PRKCZ: variants seen among roughly 807,000 people sequenced by gnomAD.
The protein encoded by PRKCZ is protein kinase C zeta type.
Under a neutral mutation model 79.5 loss-of-function variants are expected in PRKCZ, and 33 were observed. The ratio of observed to expected loss-of-function variants is 0.41; its 90% CI spans 0.31 to 0.55. PRKCZ has a LOEUF of 0.55. PRKCZ is among the 20% of genes least tolerant of loss of function. PRKCZ has a pLI of 0.19. For synonymous variants in PRKCZ, 342 were observed against 320.9 expected, an observed-to-expected ratio of 1.07 and a Z score of -0.70; for missense variants, 578 against 813.5, an observed-to-expected ratio of 0.71 and a Z score of 3.52.
chr1:2,066,965 G>A (rs956495876), intron 4 of PRKCZ, among the ~76,000 whole-genome samples: 1 of 152,120 alleles, frequency 6.6e-6, no homozygotes, highest in Non-Finnish European at 1.5e-5. Flanking sequence ...ATGTTGATAT[G>A]TTGTGTTTCT....
Position 2,125,279 on chromosome 1 carries a change from G to A in PRKCZ, c.335-9983G>A, listed in dbSNP as rs540165598. ...TGGAAGTTGGCGTACATCTTTCCACGGAAACTATGAAAATACTGGTCAGCC... is the reference window on the plus strand; with the variant it reads ...TGGAAGTTGGCGTACATCTTTCCACAGAAACTATGAAAATACTGGTCAGCC... On this transcript the variant is annotated intron_variant, in intron 4 of 17. Coordinates refer to ENST00000378567, the MANE Select transcript of PRKCZ (RefSeq NM_002744.6). The surrounding 1 kb of genome is among the most constrained non-coding windows in gnomAD (Gnocchi z 4.2). Among the ~76,000 whole-genome samples the A allele has an allele frequency of 2.0e-5, 3 of 152,194 alleles. No individual in the cohort carries two copies. Among genetic ancestry groups the A allele is most frequent in the African/African-American group, 2.4e-5 (1 of 41,446 alleles).
intron 4 of PRKCZ, among the ~76,000 whole-genome samples, chr1:2,112,690 G>A (rs1270891971): frequency 1.2e-4 from 3 of 25,234 alleles, no homozygotes; most frequent in African/African-American, 7.8e-4. Flanking sequence ...TTGGTTGGTT[G>A]GTTTTTTTTT....
intron 4 of PRKCZ, chr1:2,104,857 G>A: frequency 3.0e-6 from 3 of 985,604 alleles, no homozygotes; most frequent in Non-Finnish European, 3.6e-6. Flanking sequence ...GGACTGGTGA[G>A]TGTGTGCTGT....
chr1:2,135,051 C>T (rs938656300), intron 4 of PRKCZ: 2 of 478,036 alleles, frequency 4.2e-6, no homozygotes, highest in Admixed American at 3.7e-5. Context: ...GGGCCTCTGT[C>T]TCCAGCCGCC....
chr1:2,143,188 C>T (rs1677759449), intron 5 of PRKCZ: 1 of 152,198 alleles, frequency 6.6e-6, no homozygotes, highest in Non-Finnish European at 1.5e-5. Context: ...GCCACCACAC[C>T]TGGCTAATTT....
Position 2,185,361 on chromosome 1 carries a change from C to T in PRKCZ, c.*352C>T, listed in dbSNP as rs1381247395. The stretch of plus-strand genomic sequence containing the variant: ...CTCCGCCAGGAAAGTGAGCGTGTAG[C>T]GTCCTGAGGAATAAAATGTTCCGAT... On this transcript the variant is annotated 3_prime_UTR_variant, in exon 18 of 18. Transcript: ENST00000378567. 1.4e-6 allele frequency: 1 copy of T among 718,598 alleles called. No homozygotes were observed. The allele number at this position is 718,598 out of a possible 1,614,324, so 44.5% of individuals were successfully genotyped here.
chr1:2,124,371 C>T (rs79152219), intron 4 of PRKCZ, among the ~76,000 whole-genome samples: 28 of 2,488 alleles, frequency 0.011, 5 homozygotes, highest in Admixed American at 0.032. Context: ...AGGGTCACGG[C>T]GGCGGTTAGG....
At chr1:2,113,328 G>A (rs1670122142) in intron 4 of PRKCZ, among the ~76,000 whole-genome samples, 1 of 152,172 alleles carries the variant, frequency 6.6e-6, no homozygotes. Context: ...CTCTTCGGTG[G>A]GCTGCCTGTG....
At chr1:2,152,848 T>C (rs887008660) in intron 9 of PRKCZ, among the ~76,000 whole-genome samples, 3 of 152,256 alleles carry the variant, frequency 2.0e-5, no homozygotes, top group Admixed American at 6.5e-5. Context: ...CCGGGTAATG[T>C]TCCGTTGTCC....
In PRKCZ at chr1:2,177,800, C is replaced by G. The variant is rs1191819046; in HGVS notation, c.1575+2487C>G. On this transcript the variant is annotated intron_variant, in intron 16 of 17. Coordinates refer to ENST00000378567, the MANE Select transcript of PRKCZ (RefSeq NM_002744.6). The surrounding 1 kb of genome is among the most constrained non-coding windows in gnomAD (Gnocchi z 6.4). ...CTGCCCACAGGGGCGGCTTCCATCA[C>G]CCTGCTTCTTCCTGGCTGCTGCGGG... Among the ~76,000 whole-genome samples the G allele has an allele frequency of 6.6e-6, 1 of 152,198 alleles. No individual in the cohort carries two copies. Among genetic ancestry groups the G allele is most frequent in the Non-Finnish European group, 1.5e-5 (1 of 68,042 alleles).
In PRKCZ at chr1:2,172,291, G is replaced by GC; in HGVS notation, c.1198-5dup. ...ACAAGAACCCTCTCCCAGTAACTTT[G>GC]CCCCCACAGGAAGGCCTGGGCCCTG... On this transcript the variant is annotated splice_polypyrimidine_tract_variant and intron_variant, in intron 12 of 17. Coordinates refer to ENST00000378567, the MANE Select transcript of PRKCZ (RefSeq NM_002744.6). The surrounding 1 kb of genome is among the most constrained non-coding windows in gnomAD (Gnocchi z 7.8). 2.5e-6 allele frequency: 4 copies of GC among 1,613,430 alleles called. No homozygotes were observed. Among genetic ancestry groups the GC allele is most frequent in the Non-Finnish European group, 3.4e-6 (4 of 1,180,002 alleles).
At chr1:2,147,406 C>T (rs1678823829) in intron 7 of PRKCZ, among the ~76,000 whole-genome samples, 1 of 151,416 alleles carries the variant, frequency 6.6e-6, no homozygotes, top group South Asian at 2.1e-4. Flanking sequence ...TCACTGACCT[C>T]TCCTTCCATC....
In PRKCZ at chr1:2,106,605, C is replaced by T. The variant is rs867209629; in HGVS notation, c.335-28657C>T. On this transcript the variant is annotated intron_variant, in intron 4 of 17. Coordinates refer to ENST00000378567, the MANE Select transcript of PRKCZ (RefSeq NM_002744.6). ...CCTCCAGTGGGCGAGGACCTCCACA[C>T]GTGTCACCAGGCCAGGTAACTCTCA... is the stretch of plus-strand genomic sequence containing the variant. Among the ~76,000 whole-genome samples, 260 of 37,010 alleles carry T rather than the reference C, an allele frequency of 7.0e-3. 21 individuals are homozygous for T. Among genetic ancestry groups the T allele is most frequent in the Middle Eastern group, 0.016 (1 of 62 alleles). 24.3% of individuals were successfully genotyped at this position (37,010 alleles called of 152,430 possible).
chr1:2,177,540 G>A lies in PRKCZ; in HGVS notation c.1575+2227G>A, dbSNP rs555444906. ...GACAGATGGCTGCCTGTGGAGTGACGGGCTCCTTCTCTTCGGAGCACTGTC... is the reference window on the plus strand; with the variant it reads ...GACAGATGGCTGCCTGTGGAGTGACAGGCTCCTTCTCTTCGGAGCACTGTC... On this transcript the variant is annotated intron_variant, in intron 16 of 17. Transcript: ENST00000378567. The surrounding 1 kb of genome is among the most constrained non-coding windows in gnomAD (Gnocchi z 6.4). 6.6e-6 allele frequency among the ~76,000 whole-genome samples: 1 copy of A among 152,242 alleles called. No homozygotes were observed. Among genetic ancestry groups the A allele is most frequent in the African/African-American group, 2.4e-5 (1 of 41,552 alleles).
At chr1:2,070,462 C>T (rs751914076) in intron 4 of PRKCZ, among the ~76,000 whole-genome samples, 6 of 152,284 alleles carry the variant, frequency 3.9e-5, no homozygotes, top group East Asian at 1.9e-4. Flanking sequence ...CTGCCTTTGC[C>T]TCTGGGTATA....
At chr1:2,119,375 C>T (rs890944682) in intron 4 of PRKCZ, among the ~76,000 whole-genome samples, 1 of 151,978 alleles carries the variant, frequency 6.6e-6, no homozygotes, top group Non-Finnish European at 1.5e-5. Flanking sequence ...CCACCATGCC[C>T]AACTATTTTT....
intron 4 of PRKCZ, among the ~76,000 whole-genome samples, chr1:2,131,383 T>G (rs1427644211): frequency 2.0e-5 from 3 of 152,146 alleles, no homozygotes; most frequent in Admixed American, 6.5e-5. Context: ...AGTGGGCATA[T>G]CGCCTGAGGT....
intron 4 of PRKCZ, among the ~76,000 whole-genome samples, chr1:2,104,382 AGT>A (rs1467884264): frequency 6.6e-5 from 10 of 152,210 alleles, no homozygotes; most frequent in African/African-American, 2.4e-4. Context: ...GATAGACGCC[AGT>A]GCTTGCCCCA....
In PRKCZ at chr1:2,125,824, C is replaced by T. The variant is rs1299674307; in HGVS notation, c.335-9438C>T. Among the ~76,000 whole-genome samples, 1 of 152,234 alleles carries T rather than the reference C, an allele frequency of 6.6e-6. No individual in the cohort carries two copies. The highest frequency in any genetic ancestry group is 1.5e-5 in the Non-Finnish European group (1 of 68,036). On this transcript the variant is annotated intron_variant, in intron 4 of 17. Transcript: ENST00000378567. This position sits in a 1 kb window ranked among gnomAD's most constrained non-coding sequence, Gnocchi z 4.2. ...GGGGCCCACGCATCCTAGCCACGGC[C>T]TCCTCACGTCCATGCGGGGATTTGC...
Sources: gnomAD v4.1 joint callset for allele counts (sites outside exome capture counted in the v4.1 genomes callset) on GRCh38, gnomAD v4.1.1 for gene constraint, Gnocchi (gnomAD v3.1) non-coding constraint, MANE v1.5 for transcripts, NCBI Gene and HGNC (gene_info 2026-07-23, HGNC 2026-07-21) for gene names.